Variants in GPC5 observed in about 807,000 individuals in gnomAD.
The protein encoded by GPC5 is glypican-5.
A neutral mutation model predicts 53.9 loss-of-function variants in GPC5; 47 were observed. The observed-to-expected ratio is 0.87, with a 90% CI of 0.69 to 1.11. The LOEUF is 1.11. GPC5 is among the 50% of genes most tolerant of loss of function. The pLI is 0.00. For synonymous variants in GPC5, 286 were observed against 263.3 expected (o/e 1.09, Z -0.84); for missense variants, 748 against 713.1 (o/e 1.05, Z -0.56).
chr13:91,493,695 T>C (rs1021938648), intron 2 of GPC5, among the ~76,000 whole-genome samples: 2 of 152,178 alleles, frequency 1.3e-5, no homozygotes, highest in African/African-American at 4.8e-5. Flanking sequence ...CTCTTCCATG[T>C]TCCCAGACAT....
intron 7 of GPC5, among the ~76,000 whole-genome samples, chr13:92,404,980 T>C (rs1875729264): frequency 6.6e-6 from 1 of 150,384 alleles, no homozygotes; most frequent in Non-Finnish European, 1.5e-5. Flanking sequence ...GAAACCGATC[T>C]TGCCATAGGC....
intron 7 of GPC5, among the ~76,000 whole-genome samples, chr13:92,350,965 G>A (rs895677976): frequency 3.9e-5 from 6 of 151,970 alleles, no homozygotes; most frequent in Non-Finnish European, 7.4e-5. Context: ...TTTGATGAAA[G>A]TAACAGAAGT....
In GPC5 at chr13:91,705,482, C is replaced by T. The variant is rs111372248; in HGVS notation, c.1020+11601C>T. The stretch of plus-strand genomic sequence containing the variant: ...GTATTAGGATGTGTACTAAACTCTT[C>T]AGTGACATTTGTCTGTACAGTGGAA... On this transcript the variant is annotated intron_variant, in intron 3 of 7. Coordinates refer to ENST00000377067, the MANE Select transcript of GPC5 (RefSeq NM_004466.6). Among the ~76,000 whole-genome samples, 743 of 152,288 alleles carry T rather than the reference C, an allele frequency of 4.9e-3. 9 individuals carry two copies. Among genetic ancestry groups the T allele is most frequent in the African/African-American group, 0.016 (673 of 41,552 alleles).
At chr13:92,833,469 AT>A (rs752070451) in intron 7 of GPC5, among the ~76,000 whole-genome samples, 4 of 152,072 alleles carry the variant, frequency 2.6e-5, no homozygotes, top group Non-Finnish European at 4.4e-5. Flanking sequence ...TAAATAGATA[AT>A]ATATATATTC....
chr13:92,121,023 C>T (rs1218675407), intron 6 of GPC5, among the ~76,000 whole-genome samples: 2 of 152,184 alleles, frequency 1.3e-5, no homozygotes, highest in Non-Finnish European at 2.9e-5. Context: ...TTACTGACAC[C>T]TCACTATTCA....
chr13:92,743,160 C>A (rs1047550441), intron 7 of GPC5, among the ~76,000 whole-genome samples: 11 of 151,558 alleles, frequency 7.3e-5, no homozygotes, highest in African/African-American at 2.7e-4. Flanking sequence ...CATTGAATCT[C>A]TAAATTACCT....
At chr13:91,828,175 C>A (rs1225356402) in intron 5 of GPC5, among the ~76,000 whole-genome samples, 1 of 152,028 alleles carries the variant, frequency 6.6e-6, no homozygotes, top group Non-Finnish European at 1.5e-5. Flanking sequence ...ATAACTTTCT[C>A]AGATTACTTT....
At chr13:91,858,023 A>ATAT (rs1287069697) in intron 5 of GPC5, among the ~76,000 whole-genome samples, 2 of 151,658 alleles carry the variant, frequency 1.3e-5, no homozygotes, top group Non-Finnish European at 3.0e-5. Context: ...TGCAATATAT[A>ATAT]TTTTTAAATT....
In GPC5 at chr13:91,500,865, TC is replaced by T. The variant is rs1406656075; in HGVS notation, c.325+51948del. On this transcript the variant is annotated intron_variant, in intron 2 of 7. Coordinates refer to ENST00000377067, the MANE Select transcript of GPC5 (RefSeq NM_004466.6). ...GAGATAATTGGCTCATAGGGGTGGT[TC>T]CCCCATACTGTTCTCATGGTGGTGA... Among the ~76,000 whole-genome samples, 3 of 152,140 alleles carry T rather than the reference TC, an allele frequency of 2.0e-5. No homozygotes were observed. The East Asian group carries it at 5.8e-4, about 29-fold the overall frequency.
intron 7 of GPC5, among the ~76,000 whole-genome samples, chr13:92,279,169 C>T (rs12873924): frequency 0.085 from 12,978 of 151,842 alleles, 610 homozygotes; most frequent in Middle Eastern, 0.12. Flanking sequence ...GCTATATTTC[C>T]ATTTATTTGG....
rs1327063210 is a variant in GPC5, at chr13:92,194,783, T to G, written c.1561+49794T>G. On this transcript the variant is annotated intron_variant, in intron 7 of 7. Transcript: ENST00000377067. ...CTAGTATTAGCCTCCCCATCAGATT[T>G]CACTTCCAATGGTCTTTCTCCAACA... is the stretch of plus-strand genomic sequence containing the variant. 2.0e-5 allele frequency among the ~76,000 whole-genome samples: 3 copies of G among 152,206 alleles called. No homozygotes were observed. In the East Asian group the frequency reaches 5.8e-4, roughly 29 times the overall value.
At chr13:92,170,632 C>A (rs889797926) in intron 7 of GPC5, among the ~76,000 whole-genome samples, 20 of 151,826 alleles carry the variant, frequency 1.3e-4, no homozygotes, top group African/African-American at 4.6e-4. Context: ...ACCATGTTGG[C>A]CAGGCTGGTT....
chr13:92,656,096 A>C (rs1321175364), intron 7 of GPC5, among the ~76,000 whole-genome samples: 4 of 152,166 alleles, frequency 2.6e-5, no homozygotes, highest in Admixed American at 6.5e-5. Context: ...ATGTTCAGCT[A>C]TACACTGAAG....
At position 91,598,611 on chromosome 13, in the gene GPC5, A is replaced by C. The variant is rs534649852; in HGVS notation, c.326-94576A>C. 2.0e-5 allele frequency among the ~76,000 whole-genome samples: 3 copies of C among 152,142 alleles called. No individual in the cohort carries two copies. The South Asian group carries it at 6.2e-4, about 32-fold the overall frequency. ...TTGATATGTTGTATTTAATTGTTTT[A>C]TACAGGAGCATTGATTTCATATTAA... On this transcript the variant is annotated intron_variant, in intron 2 of 7. Coordinates refer to ENST00000377067, the MANE Select transcript of GPC5 (RefSeq NM_004466.6).
At chr13:92,471,472 A>G (rs1181011608) in intron 7 of GPC5, among the ~76,000 whole-genome samples, 1 of 152,028 alleles carries the variant, frequency 6.6e-6, no homozygotes, top group Non-Finnish European at 1.5e-5. Context: ...ATCTCTCCCT[A>G]TTTATAGGTA....
intron 2 of GPC5, among the ~76,000 whole-genome samples, chr13:91,454,913 C>T (rs1285271745): frequency 2.0e-5 from 3 of 152,162 alleles, no homozygotes; most frequent in African/African-American, 7.2e-5. Context: ...TGCTTATATT[C>T]ATTTAATCTT....
At chr13:92,148,309 A>G (rs2041882926) in intron 7 of GPC5, among the ~76,000 whole-genome samples, 1 of 152,062 alleles carries the variant, frequency 6.6e-6, no homozygotes, top group South Asian at 2.1e-4. Context: ...GTTCATGTTT[A>G]TATCAGATGA....
intron 5 of GPC5, among the ~76,000 whole-genome samples, chr13:91,843,374 A>T (rs1028655394): frequency 3.9e-5 from 6 of 152,216 alleles, no homozygotes; most frequent in Non-Finnish European, 7.4e-5. Flanking sequence ...TAGCCACAAA[A>T]GTAGTCAAGT....
chr13:91,542,621 C>G (rs1038477681), intron 2 of GPC5, among the ~76,000 whole-genome samples: 3 of 152,176 alleles, frequency 2.0e-5, no homozygotes, highest in African/African-American at 7.2e-5. Flanking sequence ...CCTTGCATCC[C>G]TCCTTAGGGC....
Sources: allele counts gnomAD v4.1 joint callset (sites outside exome capture counted in the v4.1 genomes callset), GRCh38; gene constraint gnomAD v4.1.1; transcripts MANE v1.5; gene names NCBI Gene and HGNC (gene_info 2026-07-23, HGNC 2026-07-21).